Variants in RRAGB observed in about 807,000 individuals in gnomAD.
RRAGB encodes the protein ras-related GTP-binding protein B.
RRAGB carries 6 observed loss-of-function variants against 29.3 expected under a neutral mutation model. The ratio of observed to expected loss-of-function variants is 0.21; its 90% CI spans 0.11 to 0.40. RRAGB has a LOEUF of 0.40. Among genes scored for constraint, RRAGB ranks in the 10% least tolerant of loss-of-function variants. RRAGB has a pLI of 1.00. For synonymous variants in RRAGB, 101 were observed against 92.5 expected (o/e 1.09, Z -0.53); for missense variants, 184 against 272.9 (o/e 0.67, Z 2.29).
Position 55,758,479 on chromosome X carries a change from C to T in RRAGB, c.*136C>T, listed in dbSNP as rs908915674. ...CTACTCCCTAGTCTTAATGTTTAAC[C>T]TTGAATGCTATTAACTTAAATAGCC... On this transcript the variant is annotated 3_prime_UTR_variant, in exon 10 of 10. Coordinates refer to ENST00000374941, the MANE Select transcript of RRAGB (RefSeq NM_006064.5). The T allele has an allele frequency of 3.1e-5, 12 of 392,163 alleles. No homozygotes were observed. Among genetic ancestry groups the T allele is most frequent in the African/African-American group, 2.5e-4 (10 of 39,258 alleles). The allele number at this position is 392,163 out of a possible 1,213,427, so 32.3% of individuals were successfully genotyped here.
chrX:55,722,603 A>G (rs2033323066), intron 3 of RRAGB, among the ~76,000 whole-genome samples: 1 of 111,846 alleles, frequency 8.9e-6, no homozygotes, highest in African/African-American at 3.3e-5. Flanking sequence ...ACTCTTATAC[A>G]AAGGGAAATC....
At chrX:55,732,288 G>C (rs2033710303) in intron 5 of RRAGB, among the ~76,000 whole-genome samples, 1 of 112,248 alleles carries the variant, frequency 8.9e-6, no homozygotes, top group Non-Finnish European at 1.9e-5. Context: ...GGATTGGCAA[G>C]TCATATAGTC....
At chrX:55,735,748 G>A (rs2033844474) in intron 5 of RRAGB, among the ~76,000 whole-genome samples, 1 of 112,371 alleles carries the variant, frequency 8.9e-6, no homozygotes, top group Non-Finnish European at 1.9e-5. Flanking sequence ...TGGTGCATAT[G>A]ACCTTTCATT....
chrX:55,719,027 A>C (rs2033163042), intron 1 of RRAGB, among the ~76,000 whole-genome samples: 2 of 112,209 alleles, frequency 1.8e-5, no homozygotes, highest in South Asian at 7.4e-4. Flanking sequence ...GCTTTGATTA[A>C]GATGATGAAA....
chrX:55,742,683 C>T (rs2034121134), intron 5 of RRAGB, among the ~76,000 whole-genome samples: 1 of 111,447 alleles, frequency 9.0e-6, no homozygotes, highest in African/African-American at 3.3e-5. Context: ...ACTGAGACCT[C>T]TAGGCCAGCA....
At chrX:55,748,783 TGGG>T (rs1192266887) in intron 5 of RRAGB, among the ~76,000 whole-genome samples, 1 of 95,094 alleles carries the variant, frequency 1.1e-5, no homozygotes, top group African/African-American at 4.1e-5. Flanking sequence ...GGGAGGGAGG[TGGG>T]GGGGTCAGCC....
At chrX:55,748,295 C>T (rs776291786) in intron 5 of RRAGB, among the ~76,000 whole-genome samples, 1 of 112,656 alleles carries the variant, frequency 8.9e-6, no homozygotes, top group South Asian at 3.7e-4. Context: ...GCCACCCCGT[C>T]TGGGAAGTGA....
intron 4 of RRAGB, 23 bp from the exon 5 acceptor site, chrX:55,731,341 T>C (rs935361131): frequency 9.1e-7 from 1 of 1,094,948 alleles, no homozygotes; most frequent in Admixed American, 2.3e-5. Flanking sequence ...ATTTGCTTAC[T>C]ATATATATAT....
intron 5 of RRAGB, among the ~76,000 whole-genome samples, chrX:55,744,506 G>A (rs182115206): frequency 3.3e-4 from 36 of 109,713 alleles, no homozygotes; most frequent in South Asian, 1.6e-3. Context: ...TGGTGATGGA[G>A]TCCTACTGCA....
At chrX:55,722,705 G>A (rs5960479) in intron 3 of RRAGB, among the ~76,000 whole-genome samples, 6,720 of 111,840 alleles carry the variant, frequency 0.06, 532 homozygotes, top group African/African-American at 0.21. Context: ...AATTACGGTG[G>A]TGGGAAGGAA....
intron 9 of RRAGB, 102 bp downstream of exon 9, chrX:55,757,433 G>T: frequency 2.5e-6 from 1 of 393,831 alleles, no homozygotes; most frequent in Non-Finnish European, 4.5e-6. Context: ...ATTTTATAGT[G>T]GGGATGGTTA....
At chrX:55,728,580 T>C (rs926689901) in intron 3 of RRAGB, among the ~76,000 whole-genome samples, 3 of 111,637 alleles carry the variant, frequency 2.7e-5, no homozygotes, top group African/African-American at 9.8e-5. Context: ...GGAGGAGCCA[T>C]TGAAAGTGTT....
At chrX:55,748,626 G>A (rs1353780175) in intron 5 of RRAGB, among the ~76,000 whole-genome samples, 3 of 108,877 alleles carry the variant, frequency 2.8e-5, no homozygotes, top group Non-Finnish European at 3.8e-5. Flanking sequence ...GAGACCCTCC[G>A]CCTGGCAACC....
intron 6 of RRAGB, among the ~76,000 whole-genome samples, chrX:55,751,997 C>G (rs753874735): frequency 9.0e-6 from 1 of 111,049 alleles, no homozygotes; most frequent in Non-Finnish European, 1.9e-5. Flanking sequence ...GTAGCTACAG[C>G]CTCAGTATCA....
chrX:55,753,356 T>A, intron 6 of RRAGB, 36 bp from the exon 7 acceptor site: 1 of 1,153,886 alleles, frequency 8.7e-7, no homozygotes, highest in Non-Finnish European at 1.2e-6. Context: ...ACTGACTAGC[T>A]GTTAATAATA....
chrX:55,719,122 TAGAG>T (rs1293978475), intron 1 of RRAGB, among the ~76,000 whole-genome samples, 188 bp from the exon 2 acceptor site: 1 of 111,746 alleles, frequency 8.9e-6, no homozygotes, highest in South Asian at 3.7e-4. Flanking sequence ...AATTAGGAGA[TAGAG>T]AGTATACACA....
intron 5 of RRAGB, among the ~76,000 whole-genome samples, chrX:55,741,676 A>G (rs912760631): frequency 1.5e-4 from 17 of 111,712 alleles, no homozygotes; most frequent in African/African-American, 5.5e-4. Flanking sequence ...AGGAAGAGAC[A>G]CACACACGCA....
intron 5 of RRAGB, 74 bp downstream of exon 5, chrX:55,731,660 A>G (rs2033684203): frequency 3.1e-6 from 2 of 645,846 alleles, no homozygotes; most frequent in Admixed American, 9.1e-5. Flanking sequence ...GTATAGGTAA[A>G]TTTGTACCAT....
Sources: allele counts gnomAD v4.1 joint callset (sites outside exome capture counted in the v4.1 genomes callset), GRCh38; gene constraint gnomAD v4.1.1; transcripts MANE v1.5; gene names NCBI Gene and HGNC (gene_info 2026-07-23, HGNC 2026-07-21).